HS3ST2: variants seen among roughly 807,000 people sequenced by gnomAD.
The protein encoded by HS3ST2 is heparan sulfate-glucosamine 3-sulfotransferase 2, also known as heparan sulfate glucosamine 3-O-sulfotransferase 2.
HS3ST2 carries 17 observed loss-of-function variants against 26.3 expected under a neutral mutation model. That is an observed-to-expected ratio of 0.65 (90% confidence interval 0.44 to 0.97). The LOEUF is 0.97. HS3ST2 is among the 50% of genes least tolerant of loss of function. HS3ST2 has a pLI of 0.00. For missense variants in HS3ST2, 402 were observed against 501.2 expected (o/e 0.80, Z 1.89); for synonymous variants, 237 against 219.2 (o/e 1.08, Z -0.72).
intron 1 of HS3ST2, among the ~76,000 whole-genome samples, chr16:22,837,576 T>C (rs183838155): frequency 1.8e-3 from 241 of 136,580 alleles, no homozygotes; most frequent in South Asian, 2.9e-3. Context: ...CATATATATA[T>C]ATACACACAC....
intron 1 of HS3ST2, among the ~76,000 whole-genome samples, chr16:22,889,371 A>G (rs2141200138): frequency 6.6e-6 from 1 of 152,302 alleles, no homozygotes; most frequent in Non-Finnish European, 1.5e-5. Context: ...TTAATCATAT[A>G]AGTCATTCAC....
chr16:22,830,816 A>G (rs1387385143), intron 1 of HS3ST2, among the ~76,000 whole-genome samples: 1 of 152,222 alleles, frequency 6.6e-6, no homozygotes, highest in Non-Finnish European at 1.5e-5. Flanking sequence ...TTTTTTGGAC[A>G]TATTTACAAA....
At chr16:22,874,249 A>G (rs1901879810) in intron 1 of HS3ST2, among the ~76,000 whole-genome samples, 1 of 152,246 alleles carries the variant, frequency 6.6e-6, no homozygotes, top group Admixed American at 6.5e-5. Context: ...TGGCAGCCCT[A>G]GAGATAAACT....
intron 1 of HS3ST2, among the ~76,000 whole-genome samples, chr16:22,912,274 G>A (rs1417996699): frequency 7.2e-5 from 11 of 152,114 alleles, no homozygotes; most frequent in African/African-American, 1.9e-4. Flanking sequence ...ATGACCCAAC[G>A]TATGGCCATG....
intron 1 of HS3ST2, among the ~76,000 whole-genome samples, chr16:22,818,244 G>T (rs1416810420): frequency 6.6e-6 from 1 of 152,196 alleles, no homozygotes; most frequent in African/African-American, 2.4e-5. Flanking sequence ...AGGGAACCAG[G>T]ACAGGGAACC....
intron 1 of HS3ST2, among the ~76,000 whole-genome samples, chr16:22,816,695 G>A (rs1217724577): frequency 6.6e-6 from 1 of 152,232 alleles, no homozygotes; most frequent in African/African-American, 2.4e-5. Flanking sequence ...CCGTCTAGGT[G>A]CATGTGGACA....
At chr16:22,911,079 A>T (rs775424572) in intron 1 of HS3ST2, among the ~76,000 whole-genome samples, 1 of 152,206 alleles carries the variant, frequency 6.6e-6, no homozygotes, top group Non-Finnish European at 1.5e-5. Flanking sequence ...GCCTGAAAAG[A>T]CAAATATAAG....
chr16:22,900,800 G>T (rs929342300), intron 1 of HS3ST2, among the ~76,000 whole-genome samples: 1 of 152,134 alleles, frequency 6.6e-6, no homozygotes, highest in Non-Finnish European at 1.5e-5. Context: ...GATGGAGTTG[G>T]CATTTAGGGT....
At chr16:22,895,070 C>CTTTTTTTTTTTTTTTTTTTTTTT (rs55861016) in intron 1 of HS3ST2, among the ~76,000 whole-genome samples, 3 of 134,724 alleles carry the variant, frequency 2.2e-5, no homozygotes, top group Non-Finnish European at 4.8e-5. Flanking sequence ...TTCTTTCTTT[C>CTTTTTTTTTTTTTTTTTTTTTTT]TTTTTTTTTT....
At chr16:22,892,288 T>G (rs1165901060) in intron 1 of HS3ST2, among the ~76,000 whole-genome samples, 1 of 139,248 alleles carries the variant, frequency 7.2e-6, no homozygotes, top group African/African-American at 2.7e-5. Context: ...AGACTCTGTC[T>G]CAAAAAAAAA....
At chr16:22,848,013 C>G (rs766753981) in intron 1 of HS3ST2, among the ~76,000 whole-genome samples, 2 of 152,148 alleles carry the variant, frequency 1.3e-5, no homozygotes, top group Non-Finnish European at 2.9e-5. Flanking sequence ...TTCTTCAATT[C>G]TTGCCTGATC....
At chr16:22,850,253 A>G (rs2141185399) in intron 1 of HS3ST2, among the ~76,000 whole-genome samples, 1 of 152,226 alleles carries the variant, frequency 6.6e-6, no homozygotes, top group South Asian at 2.1e-4. Context: ...AATGAAGGAC[A>G]GTGGCAGCAA....
rs1902061239 is a variant in HS3ST2, at chr16:22,886,500, C to A, written c.486-28444C>A. On this transcript the variant is annotated intron_variant, in intron 1 of 1. Coordinates refer to ENST00000261374, the MANE Select transcript of HS3ST2 (RefSeq NM_006043.2). ...CGTGTAAGCCCAGCTATAGGGGAGA[C>A]AGCTTGGTAAACTAAGTGAAGACTT... Among the ~76,000 whole-genome samples, 3 of 152,202 alleles carry A rather than the reference C, an allele frequency of 2.0e-5. No homozygotes were observed. In the South Asian group the frequency reaches 6.2e-4, roughly 32 times the overall value.
intron 1 of HS3ST2, among the ~76,000 whole-genome samples, chr16:22,821,294 CAG>C (rs1252054231): frequency 6.6e-6 from 1 of 151,556 alleles, no homozygotes; most frequent in Non-Finnish European, 1.5e-5. Flanking sequence ...GGATTTGAAG[CAG>C]AGTCAATGCT....
intron 1 of HS3ST2, among the ~76,000 whole-genome samples, chr16:22,852,352 G>A (rs1413202042): frequency 6.6e-6 from 1 of 152,206 alleles, no homozygotes; most frequent in Non-Finnish European, 1.5e-5. Context: ...GATTGTGGTA[G>A]TAAATAGCTA....
chr16:22,816,209 C>T (rs1253425592), intron 1 of HS3ST2, among the ~76,000 whole-genome samples: 2 of 152,226 alleles, frequency 1.3e-5, no homozygotes, highest in African/African-American at 4.8e-5. Flanking sequence ...TCACCTGACC[C>T]TTTGAAGACT....
intron 1 of HS3ST2, among the ~76,000 whole-genome samples, chr16:22,839,341 T>C (rs1901319130): frequency 6.6e-6 from 1 of 152,204 alleles, no homozygotes; most frequent in African/African-American, 2.4e-5. Flanking sequence ...TCAGAAAACC[T>C]GGAAGGAGTT....
intron 1 of HS3ST2, among the ~76,000 whole-genome samples, chr16:22,876,779 C>T (rs184869009): frequency 6.6e-6 from 1 of 152,228 alleles, no homozygotes; most frequent in African/African-American, 2.4e-5. Flanking sequence ...TATATATATG[C>T]CATGGAATAC....
chr16:22,873,347 A>T (rs1410427311), intron 1 of HS3ST2, among the ~76,000 whole-genome samples: 2 of 152,216 alleles, frequency 1.3e-5, no homozygotes, highest in Admixed American at 1.3e-4. Flanking sequence ...GAATTCTTTA[A>T]ACACCAAGCT....
Sources: allele counts gnomAD v4.1 joint callset (sites outside exome capture counted in the v4.1 genomes callset), GRCh38; gene constraint gnomAD v4.1.1; transcripts MANE v1.5; gene names NCBI Gene and HGNC (gene_info 2026-07-23, HGNC 2026-07-21).